The following PTPRM variants were observed in gnomAD, a reference collection of about 807,000 sequenced individuals.
PTPRM encodes the protein protein tyrosine phosphatase receptor type M, also known as receptor-type tyrosine-protein phosphatase mu.
PTPRM carries 47 observed loss-of-function variants against 186.7 expected under a neutral mutation model. The observed-to-expected ratio is 0.25, with a 90% CI of 0.20 to 0.32. PTPRM has a LOEUF of 0.32. Among genes scored for constraint, PTPRM ranks in the 10% least tolerant of loss-of-function variants. PTPRM has a pLI of 1.00. For synonymous variants in PTPRM, 668 were observed against 674.9 expected (o/e 0.99, Z 0.16); for missense variants, 1,494 against 1,865.0 (o/e 0.80, Z 3.66).
chr18:7,912,275 T>C (rs2050314290), intron 4 of PTPRM, among the ~76,000 whole-genome samples: 1 of 152,226 alleles, frequency 6.6e-6, no homozygotes, highest in South Asian at 2.1e-4. Flanking sequence ...GCACCACTTG[T>C]TGACACACTG....
chr18:8,211,043 C>T (rs2093996697), intron 14 of PTPRM, among the ~76,000 whole-genome samples: 1 of 152,214 alleles, frequency 6.6e-6, no homozygotes, highest in African/African-American at 2.4e-5. Context: ...AAGAAATCCA[C>T]ACTCATCGAT....
At chr18:7,712,061 A>G (rs1030243779) in intron 1 of PTPRM, among the ~76,000 whole-genome samples, 3 of 152,108 alleles carry the variant, frequency 2.0e-5, no homozygotes, top group Admixed American at 2.0e-4. Flanking sequence ...GTATCTCCTG[A>G]CTGGGAGACA....
chr18:7,742,891 T>A (rs1289138212), intron 1 of PTPRM, among the ~76,000 whole-genome samples: 1 of 152,180 alleles, frequency 6.6e-6, no homozygotes, highest in Non-Finnish European at 1.5e-5. Flanking sequence ...AAATTTAATT[T>A]AAAAATTGGA....
At chr18:7,574,095 C>T (rs2036628526) in intron 1 of PTPRM, among the ~76,000 whole-genome samples, 1 of 152,138 alleles carries the variant, frequency 6.6e-6, no homozygotes, top group African/African-American at 2.4e-5. Flanking sequence ...AGATCTTCTG[C>T]CTGCCCTATC....
Position 7,784,882 on chromosome 18 carries a change from G to A in PTPRM, c.196+10611G>A, listed in dbSNP as rs558972375. On this transcript the variant is annotated intron_variant, in intron 2 of 32. Coordinates refer to ENST00000580170, the MANE Select transcript of PTPRM (RefSeq NM_001105244.2). ...GCTCTGGGGGAAGCTCCATTTGTCT[G>A]CTCTGAGCCCAAGGAGGCTGCCACC... Among the ~76,000 whole-genome samples, 8 of 152,310 alleles carry A rather than the reference G, an allele frequency of 5.3e-5. No homozygotes were observed. In the East Asian group the frequency reaches 1.2e-3, roughly 22 times the overall value.
chr18:8,033,619 G>A (rs182342157), intron 7 of PTPRM, among the ~76,000 whole-genome samples: 8 of 152,174 alleles, frequency 5.3e-5, no homozygotes, highest in Admixed American at 1.3e-4. Flanking sequence ...GTAAAAATGC[G>A]GTATTGTAAT....
At position 8,147,057 on chromosome 18, in the gene PTPRM, G is replaced by A. The variant is rs2092903900; in HGVS notation, c.2300+3278G>A. 1.3e-5 allele frequency among the ~76,000 whole-genome samples: 2 copies of A among 152,154 alleles called. 1 individual carries two copies. Among genetic ancestry groups the A allele is most frequent in the South Asian group, 4.1e-4 (2 of 4,826 alleles). ...ATGCTGTTTTGGTTACTGTAGCCTT[G>A]TAGTATAGTTTGAAGTCAGGTAGCA... On this transcript the variant is annotated intron_variant, in intron 14 of 32. Transcript: ENST00000580170.
In PTPRM at chr18:8,313,630, G is replaced by T. The variant is rs369236917; in HGVS notation, c.2843-1151G>T. Among the ~76,000 whole-genome samples the T allele has an allele frequency of 8.6e-5, 13 of 151,630 alleles. No homozygotes were observed. In the East Asian group the frequency reaches 2.3e-3, roughly 27 times the overall value. On this transcript the variant is annotated intron_variant, in intron 20 of 32. Transcript: ENST00000580170. ...AATAGGTTTTGGGGGAACAAGTGGTGTGTTTGGCTACATGAATGAGTTCTT... is the reference window on the plus strand; with the variant it reads ...AATAGGTTTTGGGGGAACAAGTGGTTTGTTTGGCTACATGAATGAGTTCTT...
At chr18:7,772,288 C>CTT (rs1482742958) in intron 1 of PTPRM, among the ~76,000 whole-genome samples, 3 of 62,242 alleles carry the variant, frequency 4.8e-5, no homozygotes, top group Admixed American at 2.0e-4. Context: ...TCTTTTCTTT[C>CTT]TCTCCTTCCT....
At chr18:7,798,933 C>A (rs2043812555) in intron 2 of PTPRM, among the ~76,000 whole-genome samples, 1 of 152,214 alleles carries the variant, frequency 6.6e-6, no homozygotes, top group East Asian at 1.9e-4. Flanking sequence ...CATTTTTGCA[C>A]CGGTAATTAC....
intron 22 of PTPRM, among the ~76,000 whole-genome samples, chr18:8,331,470 G>A (rs1482691082): frequency 1.3e-5 from 2 of 152,154 alleles, no homozygotes; most frequent in East Asian, 1.9e-4. Context: ...AGGCAGAATG[G>A]TTAATGAAAG....
chr18:7,585,732 C>T (rs757969247), intron 1 of PTPRM, among the ~76,000 whole-genome samples: 1 of 152,120 alleles, frequency 6.6e-6, no homozygotes, highest in Non-Finnish European at 1.5e-5. Context: ...CATGGCCACT[C>T]CTCTTGTAGT....
intron 2 of PTPRM, among the ~76,000 whole-genome samples, chr18:7,800,459 A>C (rs147179373): frequency 1.3e-5 from 2 of 152,350 alleles, no homozygotes; most frequent in African/African-American, 4.8e-5. Flanking sequence ...GCATCAGAGA[A>C]TATAGTAAAT....
intron 19 of PTPRM, among the ~76,000 whole-genome samples, chr18:8,276,858 C>T (rs2094841967): frequency 6.6e-6 from 1 of 152,110 alleles, no homozygotes; most frequent in African/African-American, 2.4e-5. Context: ...CTATGTACAT[C>T]AGATACCAGA....
chr18:7,625,310 A>G (rs980942705), intron 1 of PTPRM, among the ~76,000 whole-genome samples: 2 of 152,170 alleles, frequency 1.3e-5, no homozygotes, highest in Non-Finnish European at 2.9e-5. Context: ...TTTGCTTGCT[A>G]GTAATTTTCC....
At chr18:8,190,404 A>G (rs1410133839) in intron 14 of PTPRM, among the ~76,000 whole-genome samples, 1 of 152,192 alleles carries the variant, frequency 6.6e-6, no homozygotes, top group Non-Finnish European at 1.5e-5. Flanking sequence ...ACTTAGCGTG[A>G]TGTCCTCTAA....
intron 1 of PTPRM, among the ~76,000 whole-genome samples, chr18:7,585,999 G>A (rs903339554): frequency 3.3e-5 from 5 of 152,132 alleles, no homozygotes; most frequent in African/African-American, 1.2e-4. Context: ...TGTCTTAAGC[G>A]CTTTTTAATT....
At chr18:8,031,871 G>T (rs891887796) in intron 7 of PTPRM, among the ~76,000 whole-genome samples, 2 of 152,226 alleles carry the variant, frequency 1.3e-5, no homozygotes, top group Admixed American at 1.3e-4. Flanking sequence ...CAAGAAGAGA[G>T]AAGGAGCAAG....
chr18:8,351,023 G>T (rs1161443187), intron 23 of PTPRM, among the ~76,000 whole-genome samples: 1 of 152,128 alleles, frequency 6.6e-6, no homozygotes, highest in African/African-American at 2.4e-5. Context: ...TATTTCATTT[G>T]TATTAATTTA....
Sources: gnomAD v4.1 joint callset for allele counts (sites outside exome capture counted in the v4.1 genomes callset) on GRCh38, gnomAD v4.1.1 for gene constraint, MANE v1.5 for transcripts, NCBI Gene and HGNC (gene_info 2026-07-23, HGNC 2026-07-21) for gene names.